The following NEK5 variants were observed in gnomAD, a reference collection of about 807,000 sequenced individuals.
The protein encoded by NEK5 is NIMA related kinase 5, also known as serine/threonine-protein kinase Nek5.
A neutral mutation model predicts 109.2 loss-of-function variants in NEK5; 88 were observed. The observed-to-expected ratio is 0.81, with a 90% CI of 0.68 to 0.96. NEK5 has a LOEUF of 0.96. Among genes scored for constraint, NEK5 ranks in the 40% least tolerant of loss-of-function variants. The pLI, the probability that NEK5 is intolerant of heterozygous loss-of-function variation, is 0.00. For missense variants in NEK5, 834 were observed against 920.7 expected (o/e 0.91, Z 1.22); for synonymous variants, 283 against 299.9 (o/e 0.94, Z 0.58).
At chr13:52,060,009 T>A (rs1954597801) in intron 22 of NEK5, among the ~76,000 whole-genome samples, 1 of 151,942 alleles carries the variant, frequency 6.6e-6, no homozygotes, top group Non-Finnish European at 1.5e-5. Flanking sequence ...TTTTCTAATG[T>A]GTTTACTTAA....
intron 11 of NEK5, 122 bp from the exon 12 acceptor site, chr13:52,099,998 G>T: frequency 1.4e-6 from 1 of 721,900 alleles, no homozygotes; most frequent in Non-Finnish European, 2.1e-6. Flanking sequence ...TTTTTAGCCA[G>T]AGATATTTTA....
chr13:52,058,336 A>G (rs1954580635), intron 22 of NEK5, among the ~76,000 whole-genome samples: 1 of 148,134 alleles, frequency 6.8e-6, no homozygotes, highest in South Asian at 2.2e-4. Context: ...TTCTATGCTC[A>G]TGGGTAGGAA....
Position 52,095,193 on chromosome 13 carries a change from C to T in NEK5, c.1027-1958G>A, listed in dbSNP as rs200343847. 2.6e-5 allele frequency among the ~76,000 whole-genome samples: 4 copies of T among 152,304 alleles called. No individual in the cohort carries two copies. In the East Asian group the frequency reaches 7.7e-4, roughly 29 times the overall value. ...TGAAATGATCCTCCTGCCTCAGCCTCCCAAAGTGTTGGATTATAGGCGTGA... is the reference window on the plus strand; with the variant it reads ...TGAAATGATCCTCCTGCCTCAGCCTTCCAAAGTGTTGGATTATAGGCGTGA... On this transcript the variant is annotated intron_variant, in intron 12 of 23. Transcript: ENST00000684899.
At chr13:52,073,081 G>C (rs2137802509) in intron 19 of NEK5, among the ~76,000 whole-genome samples, 1 of 152,220 alleles carries the variant, frequency 6.6e-6, no homozygotes, top group East Asian at 1.9e-4. Flanking sequence ...AAATGTGCCT[G>C]GTTTCAGGGT....
At chr13:52,060,416 G>A (rs1013362145) in intron 22 of NEK5, among the ~76,000 whole-genome samples, 7 of 151,784 alleles carry the variant, frequency 4.6e-5, no homozygotes, top group African/African-American at 1.5e-4. Flanking sequence ...GTGCAATGGC[G>A]CCATCTCGGC....
At chr13:52,107,463 C>G (rs4943062) in intron 8 of NEK5, among the ~76,000 whole-genome samples, 85,203 of 151,796 alleles carry the variant, frequency 0.56, 25,794 homozygotes, top group Non-Finnish European at 0.68. Context: ...ATGGTGGCAG[C>G]CACCTGTAAT....
chr13:52,049,091 G>A (rs961865598), intron 23 of NEK5, among the ~76,000 whole-genome samples: 6 of 152,002 alleles, frequency 3.9e-5, no homozygotes, highest in African/African-American at 4.8e-5. Context: ...GTTGTATACC[G>A]TAAGTATATA....
At chr13:52,048,577 C>T (rs1404381054) in intron 23 of NEK5, among the ~76,000 whole-genome samples, 2 of 152,102 alleles carry the variant, frequency 1.3e-5, no homozygotes, top group Non-Finnish European at 2.9e-5. Flanking sequence ...AATTCATAAT[C>T]ACATCAATGC....
At chr13:52,119,779 T>A (rs1160171380) in intron 3 of NEK5, among the ~76,000 whole-genome samples, 1 of 152,170 alleles carries the variant, frequency 6.6e-6, no homozygotes, top group African/African-American at 2.4e-5. Context: ...CAATCACTGC[T>A]GAGAAGAAAC....
At chr13:52,080,932 A>C (rs2137855455) in intron 17 of NEK5, among the ~76,000 whole-genome samples, 1 of 146,148 alleles carries the variant, frequency 6.8e-6, no homozygotes, top group African/African-American at 2.5e-5. Flanking sequence ...AGGCGATGTT[A>C]TATGTATTTT....
At chr13:52,045,764 C>CAA (rs769932877) in intron 23 of NEK5, among the ~76,000 whole-genome samples, 16 of 63,110 alleles carry the variant, frequency 2.5e-4, no homozygotes, top group African/African-American at 7.4e-4. Flanking sequence ...GACTCTGTCT[C>CAA]AAAAAAAAAA....
At chr13:52,078,267 CATT>C (rs1030173017) in intron 17 of NEK5, among the ~76,000 whole-genome samples, 6 of 152,204 alleles carry the variant, frequency 3.9e-5, no homozygotes, top group Admixed American at 6.5e-5. Flanking sequence ...TAAATCTCAA[CATT>C]ATTATGTGAA....
chr13:52,088,291 G>A (rs930613820), intron 14 of NEK5, among the ~76,000 whole-genome samples: 4 of 151,064 alleles, frequency 2.6e-5, no homozygotes, highest in African/African-American at 9.7e-5. Flanking sequence ...GTCTCGTTCT[G>A]TCGCCCAGGC....
chr13:52,062,242 T>G (rs1593925249), intron 21 of NEK5: 1 of 152,218 alleles, frequency 6.6e-6, no homozygotes, highest in African/African-American at 2.4e-5. Context: ...ACTCAATTTA[T>G]AGACATAATT....
chr13:52,115,107 G>C (rs1955827949), intron 4 of NEK5, among the ~76,000 whole-genome samples: 1 of 151,526 alleles, frequency 6.6e-6, no homozygotes, highest in Non-Finnish European at 1.5e-5. Flanking sequence ...CCGCCTCCTG[G>C]GTTCACGCCA....
chr13:52,063,619 G>A (rs1157269400), intron 21 of NEK5, among the ~76,000 whole-genome samples: 2 of 145,618 alleles, frequency 1.4e-5, no homozygotes, highest in East Asian at 2.0e-4. Flanking sequence ...ATCCCATCTA[G>A]GAAGTGAGGA....
At chr13:52,122,570 C>A (rs1955990972) in intron 3 of NEK5, among the ~76,000 whole-genome samples, 1 of 152,168 alleles carries the variant, frequency 6.6e-6, no homozygotes, top group African/African-American at 2.4e-5. Context: ...AGTTCGAGAC[C>A]AGCCTGGCCA....
chr13:52,101,485 T>C (rs1237588050), intron 11 of NEK5, among the ~76,000 whole-genome samples: 1 of 152,224 alleles, frequency 6.6e-6, no homozygotes, highest in Non-Finnish European at 1.5e-5. Context: ...CAGTTCTTAC[T>C]GTTATCAATT....
rs975182845 is a variant in NEK5, at chr13:52,064,451, G to A, written c.1975+1033C>T. Among the ~76,000 whole-genome samples the A allele has an allele frequency of 5.9e-4, 86 of 145,934 alleles. No homozygotes were observed. In the East Asian group the frequency reaches 0.016, roughly 27 times the overall value. On this transcript the variant is annotated intron_variant, in intron 21 of 23. Transcript: ENST00000684899. The stretch of plus-strand genomic sequence containing the variant: ...CCACCCCGTCCGGGAGGGAGGTGGG[G>A]GGGGTCAGCCCCCCGCCCGGCCAGC...
Sources: gnomAD v4.1 joint callset for allele counts (sites outside exome capture counted in the v4.1 genomes callset) on GRCh38, gnomAD v4.1.1 for gene constraint, MANE v1.5 for transcripts, NCBI Gene and HGNC (gene_info 2026-07-23, HGNC 2026-07-21) for gene names.